Variants in TOR1AIP2 observed in about 807,000 individuals in gnomAD.
TOR1AIP2 encodes the protein torsin-1A-interacting protein 2.
TOR1AIP2 carries 20 observed loss-of-function variants against 32.6 expected under a neutral mutation model. The ratio of observed to expected loss-of-function variants is 0.61; its 90% CI spans 0.43 to 0.89. TOR1AIP2 has a LOEUF of 0.89. Among genes scored for constraint, TOR1AIP2 ranks in the 40% least tolerant of loss-of-function variants. The probability of loss-of-function intolerance (pLI) is 0.00; values close to 1 mark genes in which losing one functional copy is unlikely to be tolerated. For synonymous variants in TOR1AIP2, 214 were observed against 210.8 expected, an observed-to-expected ratio of 1.02 and a Z score of -0.13; for missense variants, 456 against 553.8, an observed-to-expected ratio of 0.82 and a Z score of 1.77.
intron 3 of TOR1AIP2, chr1:179,863,771 GAT>G (rs1696654446): frequency 1.0e-6 from 1 of 983,644 alleles, no homozygotes; most frequent in Non-Finnish European, 1.2e-6. Context: ...AAAAGCACTA[GAT>G]ACCTAGATAC....
chr1:179,860,617 T>G (rs1696484607), intron 3 of TOR1AIP2: 1 of 985,264 alleles, frequency 1.0e-6, no homozygotes, highest in Non-Finnish European at 1.2e-6. Flanking sequence ...TTATTGCACT[T>G]AAACCTCACA....
chr1:179,859,877 G>C, intron 3 of TOR1AIP2: 1 of 963,812 alleles, frequency 1.0e-6, no homozygotes. Flanking sequence ...GCCCAGGCTG[G>C]AGGGCAGTAG....
intron 3 of TOR1AIP2, chr1:179,860,095 G>T: frequency 1.0e-6 from 1 of 957,862 alleles, no homozygotes; most frequent in Non-Finnish European, 1.2e-6. Context: ...CCATCCTCCT[G>T]CCTCAGCCTC....
chr1:179,855,201 C>T (rs1055399231), intron 3 of TOR1AIP2, among the ~76,000 whole-genome samples: 1 of 152,016 alleles, frequency 6.6e-6, no homozygotes. Context: ...ATAAGATATA[C>T]AATACACAAA....
chr1:179,844,520 CT>C lies in TOR1AIP2; in HGVS notation c.*1550del, dbSNP rs2148419413. The C allele has an allele frequency of 6.6e-6, 1 of 152,220 alleles. No homozygotes were observed. Among genetic ancestry groups the C allele is most frequent in the Non-Finnish European group, 1.5e-5 (1 of 68,020 alleles). 9.4% of individuals were successfully genotyped at this position (152,220 alleles called of 1,614,324 possible). A position where few individuals can be genotyped will look rare whatever the true frequency, so the allele number is the denominator to read the frequency against. The stretch of plus-strand genomic sequence containing the variant: ...AATAGTCTATATAATGGAACAGACC[CT>C]TTGTTAGGTCGAGATCATTTTACTA... On this transcript the variant is annotated 3_prime_UTR_variant, in exon 7 of 7. Transcript: ENST00000609928.
Position 179,865,791 on chromosome 1 carries a change from G to A in TOR1AIP2, c.-502C>T, listed in dbSNP as rs1189636004. ...TCTGTCTTGGGAGGACATTAATCAG[G>A]ACCCAATTGCTGTGAAGAAGCTGAT... On this transcript the variant is annotated 5_prime_UTR_variant, in exon 3 of 7. Coordinates refer to ENST00000609928, the MANE Select transcript of TOR1AIP2 (RefSeq NM_001199260.2). 6.5e-6 allele frequency: 1 copy of A among 152,706 alleles called. No homozygotes were observed. Among genetic ancestry groups the A allele is most frequent in the Non-Finnish European group, 1.5e-5 (1 of 68,102 alleles). The allele number at this position is 152,706 out of a possible 1,614,324, so 9.5% of individuals were successfully genotyped here.
intron 3 of TOR1AIP2, among the ~76,000 whole-genome samples, chr1:179,854,498 G>A (rs140678884): frequency 2.0e-4 from 31 of 152,294 alleles, no homozygotes; most frequent in Non-Finnish European, 4.0e-4. Flanking sequence ...AATTCACAAA[G>A]AGCAGCAAAG....
intron 4 of TOR1AIP2, among the ~76,000 whole-genome samples, chr1:179,851,998 T>A (rs1281431): frequency 0.1 from 15,200 of 152,212 alleles, 1,340 homozygotes; most frequent in African/African-American, 0.24. Context: ...AAAGTAAGAA[T>A]GGCCAGATGT....
intron 2 of TOR1AIP2, among the ~76,000 whole-genome samples, chr1:179,870,315 C>T (rs902952610): frequency 2.0e-4 from 31 of 152,100 alleles, no homozygotes; most frequent in African/African-American, 7.2e-4. Flanking sequence ...AGGAGAATGG[C>T]GTGAACCCAG....
chr1:179,854,237 T>C (rs1017664032), intron 3 of TOR1AIP2, among the ~76,000 whole-genome samples: 3 of 152,172 alleles, frequency 2.0e-5, no homozygotes, highest in Non-Finnish European at 4.4e-5. Flanking sequence ...TTTTATGGTA[T>C]GTAAATTATA....
rs1267127990 is a variant in TOR1AIP2, at chr1:179,877,702, C to A, written c.-710G>T. 1.3e-5 allele frequency: 2 copies of A among 152,168 alleles called. No individual in the cohort carries two copies. Among genetic ancestry groups the A allele is most frequent in the East Asian group, 3.9e-4 (2 of 5,190 alleles). The allele number at this position is 152,168 out of a possible 1,614,324, so 9.4% of individuals were successfully genotyped here. On this transcript the variant is annotated 5_prime_UTR_variant, in exon 1 of 7. Transcript: ENST00000609928. ...CATTTTGTTTACTTACAAATTCTGG[C>A]GAAGTTTTAAATCGTAAAACTGTTA...
rs77162989 is a variant in TOR1AIP2 at position 179,866,704 on chromosome 1, T to A, written c.-565-850A>T. ...ACAGGAGTGAGCCACCGTGCCCGGG[T>A]GCCCACCACCTAGTTTTATTGGTTT... On this transcript the variant is annotated intron_variant, in intron 2 of 6. Coordinates refer to ENST00000609928, the MANE Select transcript of TOR1AIP2 (RefSeq NM_001199260.2). Among the ~76,000 whole-genome samples the A allele has an allele frequency of 1.2e-4, 19 of 152,266 alleles. 1 individual carries two copies. The East Asian group carries it at 3.5e-3, about 28-fold the overall frequency.
chr1:179,848,627 G>C (rs911349552), intron 5 of TOR1AIP2, among the ~76,000 whole-genome samples: 1 of 152,296 alleles, frequency 6.6e-6, no homozygotes, highest in South Asian at 2.1e-4. Context: ...CTTAACCCCA[G>C]CCAGGTACTT....
At chr1:179,865,174 C>T in intron 3 of TOR1AIP2, 2 of 1,596,548 alleles carry the variant, frequency 1.3e-6, no homozygotes, top group Non-Finnish European at 1.7e-6. Flanking sequence ...TATCTGAAAA[C>T]ATCTGGACCT....
At chr1:179,860,179 G>A in intron 3 of TOR1AIP2, 2 of 985,304 alleles carry the variant, frequency 2.0e-6, no homozygotes, top group Non-Finnish European at 2.4e-6. Flanking sequence ...CAAACAATTG[G>A]CTTAGTTCTA....
chr1:179,850,748 G>T, intron 5 of TOR1AIP2, 97 bp downstream of exon 5: 1 of 1,460,310 alleles, frequency 6.8e-7, no homozygotes, highest in Non-Finnish European at 9.2e-7. Context: ...TATGAAAGAT[G>T]ACAAAAGTTC....
At chr1:179,857,536 T>C (rs1288293431) in intron 3 of TOR1AIP2, among the ~76,000 whole-genome samples, 1 of 152,226 alleles carries the variant, frequency 6.6e-6, no homozygotes, top group Non-Finnish European at 1.5e-5. Flanking sequence ...GTGGCTGCCT[T>C]GTGCTCTGTC....
At chr1:179,863,666 T>A (rs1485843733) in intron 3 of TOR1AIP2, 1 of 977,624 alleles carries the variant, frequency 1.0e-6, no homozygotes, top group East Asian at 1.2e-4. Flanking sequence ...CTGTCACTAT[T>A]TTTTAAAAAG....
chr1:179,857,899 T>C (rs561633819), intron 3 of TOR1AIP2, among the ~76,000 whole-genome samples: 1 of 152,276 alleles, frequency 6.6e-6, no homozygotes, highest in East Asian at 1.9e-4. Flanking sequence ...TCATTTAACC[T>C]TCACAACACT....
Sources: gnomAD v4.1 joint callset for allele counts (sites outside exome capture counted in the v4.1 genomes callset) on GRCh38, gnomAD v4.1.1 for gene constraint, MANE v1.5 for transcripts, NCBI Gene and HGNC (gene_info 2026-07-23, HGNC 2026-07-21) for gene names.